The following RANBP17 variants were observed in gnomAD, a reference collection of about 807,000 sequenced individuals.
The protein encoded by RANBP17 is ran-binding protein 17.
In RANBP17, 158 loss-of-function variants were observed where a neutral mutation model predicts 141.2. That is an observed-to-expected ratio of 1.12 (90% confidence interval 0.98 to 1.28). The LOEUF is 1.28. Ranked by LOEUF, RANBP17 falls within the 50% of genes most tolerant of loss-of-function variation. RANBP17 has a pLI of 0.00. For synonymous variants in RANBP17, 430 were observed against 450.0 expected (o/e 0.96, Z 0.56); for missense variants, 1,438 against 1,290.7 (o/e 1.11, Z -1.75).
At chr5:171,076,609 A>C (rs1784940899) in intron 14 of RANBP17, among the ~76,000 whole-genome samples, 1 of 152,252 alleles carries the variant, frequency 6.6e-6, no homozygotes, top group Non-Finnish European at 1.5e-5. Flanking sequence ...ATAGCAAAAA[A>C]GATGTCGAAA....
chr5:171,020,522 GCCC>G, intron 14 of RANBP17, among the ~76,000 whole-genome samples: 1 of 151,992 alleles, frequency 6.6e-6, no homozygotes, highest in Admixed American at 6.6e-5. Flanking sequence ...ATTACGTAAT[GCCC>G]TTCCTTGTCT....
chr5:171,261,206 G>GC (rs1386037490), intron 24 of RANBP17, among the ~76,000 whole-genome samples: 1 of 151,512 alleles, frequency 6.6e-6, no homozygotes, highest in East Asian at 2.0e-4. Context: ...GTATGTGTTG[G>GC]GTGCTGTATT....
intron 3 of RANBP17, among the ~76,000 whole-genome samples, chr5:170,882,230 C>T (rs533904221): frequency 3.9e-5 from 6 of 152,084 alleles, no homozygotes; most frequent in South Asian, 4.2e-4. Flanking sequence ...TACAGGTGCA[C>T]GCTACCACAC....
At chr5:170,903,497 C>CAAGA (rs1238898099) in intron 5 of RANBP17, 1 of 180,094 alleles carries the variant, frequency 5.6e-6, no homozygotes, top group Non-Finnish European at 1.3e-5. Flanking sequence ...TGAACGCTTA[C>CAAGA]GTCTTGCTGG....
At chr5:171,167,856 T>TAAAGAA (rs2127874027) in intron 14 of RANBP17, among the ~76,000 whole-genome samples, 1 of 152,342 alleles carries the variant, frequency 6.6e-6, no homozygotes, top group South Asian at 2.1e-4. Flanking sequence ...AGTTACTAAA[T>TAAAGAA]ATTCAAGCTG....
intron 14 of RANBP17, among the ~76,000 whole-genome samples, chr5:171,097,307 T>C (rs1786764066): frequency 1.3e-5 from 2 of 152,126 alleles, no homozygotes; most frequent in Non-Finnish European, 2.9e-5. Flanking sequence ...GGAAAGCAAA[T>C]AGTGGTCACT....
chr5:171,199,821 G>A (rs533750050), intron 19 of RANBP17, 48 bp downstream of exon 19: 1 of 1,156,714 alleles, frequency 8.6e-7, no homozygotes, highest in East Asian at 2.4e-5. Context: ...TTTTTTCTAG[G>A]ATATCTAGAT....
intron 24 of RANBP17, among the ~76,000 whole-genome samples, chr5:171,260,590 A>G (rs1276467202): frequency 1.3e-5 from 2 of 152,134 alleles, no homozygotes; most frequent in Non-Finnish European, 2.9e-5. Flanking sequence ...TGAATGTTTG[A>G]TAGCAGAGTA....
intron 14 of RANBP17, among the ~76,000 whole-genome samples, chr5:171,102,415 C>G (rs1417436539): frequency 1.3e-5 from 2 of 151,816 alleles, no homozygotes; most frequent in Admixed American, 1.3e-4. Flanking sequence ...GCTTCACAAA[C>G]TTCTCGTGCT....
intron 12 of RANBP17, among the ~76,000 whole-genome samples, chr5:170,952,541 C>T (rs896297128): frequency 6.6e-6 from 1 of 151,906 alleles, no homozygotes; most frequent in Non-Finnish European, 1.5e-5. Flanking sequence ...CTGCTAGTAT[C>T]CATGGGAGAA....
At chr5:171,055,880 CAA>C (rs72488636) in intron 14 of RANBP17, among the ~76,000 whole-genome samples, 8 of 25,076 alleles carry the variant, frequency 3.2e-4, no homozygotes, top group African/African-American at 8.4e-4. Context: ...GTCCTGTTGC[CAA>C]AAAAAAAAAA....
intron 24 of RANBP17, among the ~76,000 whole-genome samples, chr5:171,249,773 T>G (rs1484908554): frequency 6.6e-6 from 1 of 152,010 alleles, no homozygotes; most frequent in Admixed American, 6.6e-5. Context: ...TGAAACAACA[T>G]AAAGTGATTG....
At chr5:170,896,332 T>C (rs1770118095) in intron 5 of RANBP17, 6 of 469,388 alleles carry the variant, frequency 1.3e-5, no homozygotes, top group Non-Finnish European at 2.2e-5. Flanking sequence ...TACAGAGTAT[T>C]ACAAAGAACA....
chr5:171,055,880 C>CAAA (rs72488636), intron 14 of RANBP17, among the ~76,000 whole-genome samples: 473 of 25,030 alleles, frequency 0.019, 49 homozygotes, highest in African/African-American at 0.044. Flanking sequence ...GTCCTGTTGC[C>CAAA]AAAAAAAAAA....
At chr5:171,011,227 T>C (rs575456141) in intron 14 of RANBP17, among the ~76,000 whole-genome samples, 1 of 152,232 alleles carries the variant, frequency 6.6e-6, no homozygotes, top group South Asian at 2.1e-4. Flanking sequence ...CAACTAACAG[T>C]AGATATTGTA....
At chr5:171,031,659 A>G (rs1781556693) in intron 14 of RANBP17, among the ~76,000 whole-genome samples, 1 of 152,032 alleles carries the variant, frequency 6.6e-6, no homozygotes, top group African/African-American at 2.4e-5. Context: ...AGAAAAGACC[A>G]GTGAATGCCA....
intron 14 of RANBP17, among the ~76,000 whole-genome samples, chr5:171,049,359 T>C (rs1782805727): frequency 6.6e-6 from 1 of 152,246 alleles, no homozygotes; most frequent in African/African-American, 2.4e-5. Flanking sequence ...TTATAGATGC[T>C]GGATATTAGA....
intron 25 of RANBP17, among the ~76,000 whole-genome samples, chr5:171,290,716 C>A (rs1312410538): frequency 1.3e-5 from 2 of 152,128 alleles, no homozygotes; most frequent in Non-Finnish European, 2.9e-5. Context: ...TTACCTTAAC[C>A]CTCAACAAAG....
intron 22 of RANBP17, among the ~76,000 whole-genome samples, chr5:171,227,709 C>T (rs1274360423): frequency 6.6e-6 from 1 of 152,208 alleles, no homozygotes; most frequent in South Asian, 2.1e-4. Flanking sequence ...CAATGCTTGG[C>T]TTCAAAGGAC....
Sources: allele counts gnomAD v4.1 joint callset (sites outside exome capture counted in the v4.1 genomes callset), GRCh38; gene constraint gnomAD v4.1.1; transcripts MANE v1.5; gene names NCBI Gene and HGNC (gene_info 2026-07-23, HGNC 2026-07-21).